CHAF1A: variants seen among roughly 807,000 people sequenced by gnomAD.
CHAF1A encodes the protein CAF-1 subunit A.
Under a neutral mutation model 93.2 loss-of-function variants are expected in CHAF1A, and 5 were observed. The ratio of observed to expected loss-of-function variants is 0.05; its 90% CI spans 0.03 to 0.11. The LOEUF (loss-of-function observed/expected upper bound fraction) is 0.11. Among genes scored for constraint, CHAF1A ranks in the 10% least tolerant of loss-of-function variants. The pLI is 1.00. For synonymous variants in CHAF1A, 504 were observed against 510.3 expected (o/e 0.99, Z 0.17); for missense variants, 1,102 against 1,259.9 (o/e 0.87, Z 1.90).
downstream of CHAF1A, chr19:4,448,215 C>G (rs755247775): frequency 3.5e-5 from 38 of 1,084,388 alleles, no homozygotes; most frequent in Non-Finnish European, 5.0e-5. Flanking sequence ...TCCCAACCCA[C>G]CTCAGCAGGT....
chr19:4,417,607 C>A (rs534639226), intron 3 of CHAF1A, among the ~76,000 whole-genome samples: 1 of 152,018 alleles, frequency 6.6e-6, no homozygotes, highest in Non-Finnish European at 1.5e-5. Flanking sequence ...ATTACAGGCA[C>A]CTGCCACCAC....
At chr19:4,423,161 T>C (rs1174235451) in intron 5 of CHAF1A, among the ~76,000 whole-genome samples, 174 bp from the exon 6 acceptor site, 1 of 152,252 alleles carries the variant, frequency 6.6e-6, no homozygotes, top group African/African-American at 2.4e-5. Flanking sequence ...TTTTATTGAC[T>C]GTTTTCCATT....
chr19:4,417,548 TCTC>T lies in CHAF1A; in HGVS notation c.961-469_961-467del, dbSNP rs1333842919. Among the ~76,000 whole-genome samples, 78 of 147,804 alleles carry T rather than the reference TCTC, an allele frequency of 5.3e-4. 2 individuals carry two copies. In the Admixed American group the frequency reaches 5.3e-3, roughly 10 times the overall value. ...CAATCTCGGCTCACTGCAACCTCCT[TCTC>T]CTGGGTTCAAGCGATTCTTCTGCCT... On this transcript the variant is annotated intron_variant, in intron 3 of 14. Transcript: ENST00000301280.
intron 4 of CHAF1A, among the ~76,000 whole-genome samples, chr19:4,419,228 A>G (rs1238809701): frequency 1.3e-5 from 2 of 151,954 alleles, no homozygotes; most frequent in East Asian, 1.9e-4. Context: ...ATTGAACATC[A>G]TGTCATACCG....
At chr19:4,432,928 G>GC in intron 12 of CHAF1A, 142 bp from the exon 13 acceptor site, 1 of 650,386 alleles carries the variant, frequency 1.5e-6, no homozygotes, top group South Asian at 1.9e-5. Flanking sequence ...TCTTACACCC[G>GC]CCCTCATGAG....
At chr19:4,405,594 TG>T (rs1475869353) in intron 1 of CHAF1A, among the ~76,000 whole-genome samples, 1 of 147,814 alleles carries the variant, frequency 6.8e-6, no homozygotes, top group African/African-American at 2.5e-5. Context: ...GGCGACAGAG[TG>T]AGACTCTGTC....
At chr19:4,406,121 T>G (rs991702169) in intron 2 of CHAF1A, among the ~76,000 whole-genome samples, 159 bp downstream of exon 2, 1 of 152,220 alleles carries the variant, frequency 6.6e-6, no homozygotes, top group African/African-American at 2.4e-5. Flanking sequence ...TAATGTCTCG[T>G]GGGGTTCCCA....
chr19:4,426,255 C>T (rs1210471774), intron 7 of CHAF1A, among the ~76,000 whole-genome samples: 2 of 151,358 alleles, frequency 1.3e-5, no homozygotes, highest in Non-Finnish European at 2.9e-5. Context: ...GCAAGCTCCA[C>T]CTCCTGGGTT....
At chr19:4,448,030 G>A (rs530929730), downstream of CHAF1A, 133 of 531,516 alleles carry the variant, frequency 2.5e-4, no homozygotes, top group African/African-American at 1.6e-3. Flanking sequence ...CCTGAGACCC[G>A]GGGAGTGGGG....
chr19:4,417,996 A>G, intron 3 of CHAF1A, 24 bp from the exon 4 acceptor site: 2 of 1,566,006 alleles, frequency 1.3e-6, no homozygotes, highest in Non-Finnish European at 1.7e-6. Context: ...CCCGTGTTTA[A>G]AGATAAACGT....
rs778852404 is a variant in CHAF1A, at chr19:4,442,304, G to A, written c.2733G>A (p.Glu911=). Residue 911 remains glutamate (E), a synonymous_variant, in exon 14 of 15, where the codon GAG becomes GAA. Transcript: ENST00000301280. ...QADTEEEEEE[E]GDCMIVDVPD... ...ACACGGAGGAGGAGGAAGAGGAGGAGGGCGACTGTATGATCGTGGATGTCC... is the reference window on the plus strand; with the variant it reads ...ACACGGAGGAGGAGGAAGAGGAGGAAGGCGACTGTATGATCGTGGATGTCC... 9 of 1,611,628 alleles carry A rather than the reference G, an allele frequency of 5.6e-6. No individual in the cohort carries two copies. In the African/African-American group the frequency reaches 1.1e-4, roughly 19 times the overall value.
downstream of CHAF1A, chr19:4,446,035 G>A (rs376306553): frequency 6.2e-6 from 10 of 1,602,194 alleles, no homozygotes; most frequent in African/African-American, 4.0e-5. Context: ...GTGCTCCTGC[G>A]GGCCGACACT....
intron 13 of CHAF1A, among the ~76,000 whole-genome samples, chr19:4,436,560 C>G (rs2145142872): frequency 6.6e-6 from 1 of 152,308 alleles, no homozygotes; most frequent in Middle Eastern, 3.4e-3. Flanking sequence ...CCGGAGCTCC[C>G]CAGCCTGAAA....
downstream of CHAF1A, chr19:4,446,803 C>T: frequency 1.2e-6 from 2 of 1,613,930 alleles, no homozygotes; most frequent in Non-Finnish European, 1.7e-6. Flanking sequence ...CCCTCGTCCC[C>T]ATTCCCTACT....
chr19:4,429,146 C>A (rs1316234135), intron 8 of CHAF1A: 1 of 587,736 alleles, frequency 1.7e-6, no homozygotes, highest in Non-Finnish European at 3.0e-6. Context: ...GTGAAGGATA[C>A]CCCCCAACAC....
At chr19:4,416,535 T>C (rs1371017751) in intron 3 of CHAF1A, among the ~76,000 whole-genome samples, 2 of 152,100 alleles carry the variant, frequency 1.3e-5, no homozygotes, top group African/African-American at 4.8e-5. Flanking sequence ...CCCTAGAAGG[T>C]AGAAGTCCTA....
chr19:4,442,299 G>C lies in CHAF1A; in HGVS notation c.2728G>C (p.Glu910Gln). The change falls in exon 14 of 15, where the codon GAG becomes CAG. Residue 910 changes from glutamate to glutamine, a missense_variant. Around this residue, in one of 6 missense-constraint regions of CHAF1A, gnomAD observed 119 missense variants for 102.2 expected, o/e 1.16. Transcript: ENST00000301280. Reference sequence around the variant, plus strand: ...GGCAGACACGGAGGAGGAGGAAGAGGAGGAGGGCGACTGTATGATCGTGGA... The same window carrying C: ...GGCAGACACGGAGGAGGAGGAAGAGCAGGAGGGCGACTGTATGATCGTGGA... ...FQADTEEEEE[E>Q]EGDCMIVDVP... The C allele has an allele frequency of 1.2e-6, 2 of 1,612,432 alleles. No individual in the cohort carries two copies. The highest frequency in any genetic ancestry group is 1.7e-6 in the Non-Finnish European group (2 of 1,179,230).
rs1187382884 is a variant in CHAF1A, at chr19:4,433,422, C to T, written c.2556C>T (p.Asp852=). 1 of 1,611,356 alleles carries T rather than the reference C, an allele frequency of 6.2e-7. No individual in the cohort carries two copies. Among genetic ancestry groups the T allele is most frequent in the South Asian group, 1.1e-5 (1 of 91,060 alleles). Residue 852 remains aspartate (D), a synonymous_variant, in exon 13 of 15, where the codon GAC becomes GAT. Coordinates refer to ENST00000301280, the MANE Select transcript of CHAF1A (RefSeq NM_005483.3). The surrounding 1 kb of genome is among the most constrained non-coding windows in gnomAD (Gnocchi z 5.6). ...VTSVPSAPKE[D]SGSVPSTGPS... ...CGGTGCCCTCGGCCCCCAAAGAGGA[C>T]AGTGGCAGCGTCCCCTCCACGGGGC...
rs1490256116 is a variant in CHAF1A, at chr19:4,409,839, G to C, written c.960+80G>C. On this transcript the variant is annotated intron_variant, in intron 3 of 14. Coordinates refer to ENST00000301280, the MANE Select transcript of CHAF1A (RefSeq NM_005483.3). ...TGTCAGTCTCCACTGGGTCACCCAG[G>C]TGTTTTGTGGCAGAGTGAGCGGGGC... 6 of 1,497,808 alleles carry C rather than the reference G, an allele frequency of 4.0e-6. No homozygotes were observed. The African/African-American group carries it at 8.4e-5, about 21-fold the overall frequency. 92.8% of individuals were successfully genotyped at this position (1,497,808 alleles called of 1,614,324 possible).
Sources: gnomAD v4.1 joint callset for allele counts (sites outside exome capture counted in the v4.1 genomes callset) on GRCh38, gnomAD v4.1.1 for gene constraint, gnomAD v4.1.1 regional missense constraint, Gnocchi (gnomAD v3.1) non-coding constraint, MANE v1.5 for transcripts, NCBI Gene and HGNC (gene_info 2026-07-23, HGNC 2026-07-21) for gene names.